Variants in GAK observed in about 807,000 individuals in gnomAD.
The protein encoded by GAK is cyclin G associated kinase, also known as cyclin-G-associated kinase.
Under a neutral mutation model 143.9 loss-of-function variants are expected in GAK, and 79 were observed. The observed-to-expected ratio is 0.55, with a 90% CI of 0.46 to 0.66. The LOEUF is 0.66. Among genes scored for constraint, GAK ranks in the 30% least tolerant of loss-of-function variants. The pLI is 0.00. For missense variants in GAK, 1,693 were observed against 1,779.7 expected, an observed-to-expected ratio of 0.95 and a Z score of 0.88; for synonymous variants, 881 against 765.5, an observed-to-expected ratio of 1.15 and a Z score of -2.49.
At chr4:896,636 A>G in intron 6 of GAK, 87 bp from the exon 7 acceptor site, 1 of 1,028,942 alleles carries the variant, frequency 9.7e-7, no homozygotes, top group Non-Finnish European at 1.5e-6. Flanking sequence ...AGCTTTCCAA[A>G]TGCACAGCAG....
At chr4:903,946 C>T (rs1455513596) in intron 5 of GAK, among the ~76,000 whole-genome samples, 1 of 152,266 alleles carries the variant, frequency 6.6e-6, no homozygotes, top group East Asian at 1.9e-4. Context: ...GCCTGTGAGA[C>T]AGATGCTAAT....
At chr4:929,022 A>G (rs990942425) in intron 1 of GAK, among the ~76,000 whole-genome samples, 6 of 152,226 alleles carry the variant, frequency 3.9e-5, no homozygotes, top group African/African-American at 1.4e-4. Flanking sequence ...TCGGCCTCCC[A>G]AAGTGCTGGG....
chr4:927,849 C>T (rs946679993), intron 1 of GAK, among the ~76,000 whole-genome samples: 11 of 152,148 alleles, frequency 7.2e-5, no homozygotes, highest in Admixed American at 1.3e-4. Flanking sequence ...GCGCAGCCAC[C>T]GCACTTCAGG....
chr4:851,868 T>A lies in GAK; in HGVS notation c.3390A>T (p.Ser1130=). ...GGGGCGGCTTGGCCTGAGGGGGCCATGAGGCGCCCTGGGCTGGCGGCCGAC... is the reference window on the plus strand; with the variant it reads ...GGGGCGGCTTGGCCTGAGGGGGCCAAGAGGCGCCCTGGGCTGGCGGCCGAC... ...QTSRPPAQGA[S]WPPQAKPPPK... Residue 1130 remains serine, a synonymous_variant, in exon 25 of 28, where the codon TCA becomes TCT. Transcript: ENST00000314167. 2.5e-6 allele frequency: 4 copies of A among 1,609,218 alleles called. No individual in the cohort carries two copies. The highest frequency in any genetic ancestry group is 3.4e-6 in the Non-Finnish European group (4 of 1,177,028).
intron 18 of GAK, 88 bp downstream of exon 18, chr4:876,442 C>G (rs1366299433): frequency 1.7e-6 from 2 of 1,173,166 alleles, no homozygotes; most frequent in East Asian, 2.3e-5. Context: ...CGCCACTCCC[C>G]CTGGGGCTCC....
intron 4 of GAK, among the ~76,000 whole-genome samples, chr4:909,598 C>T (rs549938345): frequency 9.9e-5 from 15 of 152,124 alleles, no homozygotes; most frequent in Non-Finnish European, 1.9e-4. Flanking sequence ...CACCAAATCG[C>T]GAGGATCTTC....
chr4:883,858 G>T (rs554067701), intron 12 of GAK, among the ~76,000 whole-genome samples, 179 bp downstream of exon 12: 1 of 152,246 alleles, frequency 6.6e-6, no homozygotes, highest in African/African-American at 2.4e-5. Context: ...CCACTGCTGC[G>T]CCTGGAGGTG....
intron 18 of GAK, among the ~76,000 whole-genome samples, chr4:871,445 C>T (rs919466629): frequency 2.6e-5 from 4 of 152,218 alleles, no homozygotes. Context: ...TGACGACGTC[C>T]GCCCTGACAA....
rs371707671 is a variant in GAK at position 895,891 on chromosome 4, G to A, written c.741+569C>T. Among the ~76,000 whole-genome samples the A allele has an allele frequency of 2.0e-3, 304 of 152,288 alleles. 12 individuals are homozygous for A. In the South Asian group the frequency reaches 0.059, roughly 29 times the overall value. ...GCCAGATGCACAACAAGCCATGGAC[G>A]GGGCCGAGGGGAGCCTCAGGCAGAC... On this transcript the variant is annotated intron_variant, in intron 7 of 27. Coordinates refer to ENST00000314167, the MANE Select transcript of GAK (RefSeq NM_005255.4).
chr4:894,978 CAAAT>C lies in GAK; in HGVS notation c.742-973_742-970del, dbSNP rs1553885659. On this transcript the variant is annotated intron_variant, in intron 7 of 27. Transcript: ENST00000314167. ...CTAGCAACAAAGCGAGACTCTGTCT[CAAAT>C]AAATAAATAAATAAATAAATAAATA... 6.9e-3 allele frequency among the ~76,000 whole-genome samples: 870 copies of C among 126,542 alleles called. 6 individuals carry two copies. The highest frequency in any genetic ancestry group is 0.021 in the African/African-American group (689 of 33,456). 83.0% of individuals were successfully genotyped at this position (126,542 alleles called of 152,430 possible). A position where few individuals can be genotyped will look rare whatever the true frequency, so the allele number is the denominator to read the frequency against.
At position 882,747 on chromosome 4, in the gene GAK, G is replaced by A; in HGVS notation, c.1477C>T (p.His493Tyr). ...HTLYNICRNM[H>Y]AWLRQDHKNV... ...TTGTGGTCCTGCCGCAGCCAGGCGT[G>A]CATGTTCCTGCAGATGTTGTACAGG... Residue 493 changes from histidine to tyrosine, a missense_variant, in exon 14 of 28, where the codon CAC becomes TAC. Physicochemically the swap from His to Tyr is moderately conservative, Grantham distance 83. Coordinates refer to ENST00000314167, the MANE Select transcript of GAK (RefSeq NM_005255.4). The A allele has an allele frequency of 4.3e-6, 7 of 1,612,568 alleles. No homozygotes were observed. The highest frequency in any genetic ancestry group is 5.9e-6 in the Non-Finnish European group (7 of 1,179,960).
At chr4:917,544 A>T (rs1046175410) in intron 1 of GAK, among the ~76,000 whole-genome samples, 1 of 152,280 alleles carries the variant, frequency 6.6e-6, no homozygotes, top group African/African-American at 2.4e-5. Context: ...GTACATATAC[A>T]CATACAGTTA....
At chr4:905,564 T>C (rs10029038) in intron 4 of GAK, among the ~76,000 whole-genome samples, 15,627 of 130,138 alleles carry the variant, frequency 0.12, 979 homozygotes, top group South Asian at 0.23. Flanking sequence ...CCCCAGGCCA[T>C]GCTACGGACT....
chr4:862,202 C>A (rs1260743402), intron 23 of GAK, among the ~76,000 whole-genome samples: 1 of 152,016 alleles, frequency 6.6e-6, no homozygotes, highest in African/African-American at 2.4e-5. Flanking sequence ...AAGTCATCCG[C>A]TAAGATCCGG....
At chr4:887,636 T>C (rs56055438) in intron 11 of GAK, 1 of 150,944 alleles carries the variant, frequency 6.6e-6, no homozygotes, top group Non-Finnish European at 1.5e-5. Context: ...TACACATGCA[T>C]GCAGTTCACG....
chr4:887,776 C>T (rs1716800327), intron 11 of GAK: 1 of 152,332 alleles, frequency 6.6e-6, no homozygotes, highest in African/African-American at 2.4e-5. Context: ...CATACACGTG[C>T]CTGCACACAA....
At chr4:887,306 A>C (rs1306110526) in intron 11 of GAK, 1 of 148,140 alleles carries the variant, frequency 6.8e-6, no homozygotes, top group East Asian at 2.0e-4. Context: ...GCGCACTCAC[A>C]CGTGTACACA....
At chr4:920,233 G>A (rs1375093219) in intron 1 of GAK, among the ~76,000 whole-genome samples, 4 of 151,646 alleles carry the variant, frequency 2.6e-5, no homozygotes, top group South Asian at 2.1e-4. Context: ...GCATGAACCC[G>A]GGAGGCGGAG....
rs528569570 is a variant in GAK, at chr4:867,098, C to T, written c.2730G>A (p.Leu910=). ...ACKAPSSNTD[L]LSCLLGPPEA... is the part of the protein sequence containing the mutation. Reference sequence around the variant, plus strand: ...CAGGGGGCCCAAGGAGGCAGCTGAGCAGGTCGGTGTTGCTGGAGGGGGCCT... The same window carrying T: ...CAGGGGGCCCAAGGAGGCAGCTGAGTAGGTCGGTGTTGCTGGAGGGGGCCT... Residue 910 remains leucine (L), a synonymous_variant, in exon 21 of 28, where the codon CTG becomes CTA. Transcript: ENST00000314167. 2.6e-6 allele frequency: 4 copies of T among 1,564,266 alleles called. No individual in the cohort carries two copies. In the South Asian group the frequency reaches 4.7e-5, roughly 18 times the overall value.
Sources: allele counts gnomAD v4.1 joint callset (sites outside exome capture counted in the v4.1 genomes callset), GRCh38; gene constraint gnomAD v4.1.1; transcripts MANE v1.5; gene names NCBI Gene and HGNC (gene_info 2026-07-23, HGNC 2026-07-21).